Variants in TTC27 observed in about 807,000 individuals in gnomAD.
TTC27 encodes tetratricopeptide repeat protein 27.
TTC27 carries 79 observed loss-of-function variants against 115.9 expected under a neutral mutation model. That is an observed-to-expected ratio of 0.68 (90% CI 0.57 to 0.82). The LOEUF is 0.82. TTC27 is among the 40% of genes least tolerant of loss of function. TTC27 has a pLI of 0.00. For synonymous variants in TTC27, 401 were observed against 356.0 expected (o/e 1.13, Z -1.42); for missense variants, 1,054 against 993.1 (o/e 1.06, Z -0.82).
At chr2:32,731,419 G>A (rs1215249390) in intron 10 of TTC27, among the ~76,000 whole-genome samples, 1 of 152,136 alleles carries the variant, frequency 6.6e-6, no homozygotes, top group African/African-American at 2.4e-5. Flanking sequence ...CTGTCACCCA[G>A]GCAGGAGTGC....
intron 8 of TTC27, among the ~76,000 whole-genome samples, chr2:32,678,161 G>T (rs983887280): frequency 6.6e-5 from 10 of 151,432 alleles, no homozygotes; most frequent in African/African-American, 2.4e-4. Context: ...AGGCTGAGCT[G>T]GGAGGATCCC....
intron 2 of TTC27, among the ~76,000 whole-genome samples, chr2:32,633,255 T>C (rs753873064): frequency 7.2e-5 from 11 of 152,104 alleles, no homozygotes; most frequent in Non-Finnish European, 1.2e-4. Flanking sequence ...TCTATCTTCA[T>C]TGCCCACATG....
In TTC27 at chr2:32,758,318, G is replaced by A; in HGVS notation, c.1479G>A (p.Leu493=). The change falls in exon 13 of 20, where the codon CTG becomes CTA. Residue 493 remains leucine, a synonymous_variant. Coordinates refer to ENST00000317907, the MANE Select transcript of TTC27 (RefSeq NM_017735.5). ...CAGAAGAAATCCTTAGACAAGAGCT[G>A]GAGAAAAAAGAAACGCCTAGTTTAT... The part of the protein sequence containing the change: ...GKAEEILRQE[L]EKKETPSLYC... 1 of 1,614,138 alleles carries A rather than the reference G, an allele frequency of 6.2e-7. No homozygotes were observed. The highest frequency in any genetic ancestry group is 1.1e-5 in the South Asian group (1 of 91,076).
chr2:32,679,807 C>T (rs1375992967), intron 9 of TTC27, among the ~76,000 whole-genome samples: 1 of 152,118 alleles, frequency 6.6e-6, no homozygotes, highest in Non-Finnish European at 1.5e-5. Context: ...GCCTGGCCGA[C>T]ATGATGAAAC....
intron 16 of TTC27, among the ~76,000 whole-genome samples, chr2:32,790,543 AC>A (rs1458950474): frequency 6.6e-6 from 1 of 152,152 alleles, no homozygotes; most frequent in Non-Finnish European, 1.5e-5. Context: ...TGATTAACAT[AC>A]CCACCACCTT....
chr2:32,738,930 G>A (rs1668535780), intron 12 of TTC27, among the ~76,000 whole-genome samples: 2 of 152,108 alleles, frequency 1.3e-5, no homozygotes, highest in African/African-American at 4.8e-5. Flanking sequence ...AAGGCAGGAA[G>A]AACTGCCAAA....
chr2:32,651,313 A>G (rs904247261), intron 5 of TTC27, among the ~76,000 whole-genome samples: 2 of 152,184 alleles, frequency 1.3e-5, no homozygotes, highest in African/African-American at 4.8e-5. Flanking sequence ...CATGTATAAT[A>G]TAAGGGGCTC....
At chr2:32,680,536 C>T (rs1489818882) in intron 9 of TTC27, among the ~76,000 whole-genome samples, 2 of 151,826 alleles carry the variant, frequency 1.3e-5, no homozygotes, top group Non-Finnish European at 2.9e-5. Context: ...GGGAAGGTCT[C>T]AGTGGGAGGG....
chr2:32,736,911 T>G, intron 12 of TTC27, 95 bp downstream of exon 12: 2 of 1,409,164 alleles, frequency 1.4e-6, no homozygotes, highest in South Asian at 2.9e-5. Flanking sequence ...TTTGCCAATA[T>G]TCACTTATAT....
chr2:32,786,441 A>G (rs113139392), intron 15 of TTC27, among the ~76,000 whole-genome samples: 3 of 152,260 alleles, frequency 2.0e-5, no homozygotes, highest in African/African-American at 7.2e-5. Flanking sequence ...ATGCCTGGCC[A>G]CCTTAAAATT....
At chr2:32,798,711 A>AT (rs1670808886) in intron 16 of TTC27, among the ~76,000 whole-genome samples, 2 of 129,084 alleles carry the variant, frequency 1.5e-5, no homozygotes, top group Non-Finnish European at 3.3e-5. Context: ...GCTCAAAAAA[A>AT]AAAATAATAA....
intron 8 of TTC27, among the ~76,000 whole-genome samples, chr2:32,678,652 C>T (rs928204646): frequency 2.0e-5 from 3 of 152,050 alleles, no homozygotes; most frequent in Non-Finnish European, 2.9e-5. Flanking sequence ...TGGTCTTGAT[C>T]TCCTGACCTT....
intron 8 of TTC27, among the ~76,000 whole-genome samples, chr2:32,673,872 G>A (rs1666100495): frequency 6.6e-6 from 1 of 151,974 alleles, no homozygotes; most frequent in Admixed American, 6.6e-5. Context: ...GCAGGCGCCT[G>A]TAATCCCAGC....
intron 16 of TTC27, among the ~76,000 whole-genome samples, chr2:32,798,458 C>T (rs1468184306): frequency 6.6e-6 from 1 of 150,950 alleles, no homozygotes; most frequent in Non-Finnish European, 1.5e-5. Context: ...AATCCCAGAA[C>T]TTTGGGAGGC....
At chr2:32,774,740 G>A (rs1157885030) in intron 13 of TTC27, among the ~76,000 whole-genome samples, 1 of 152,226 alleles carries the variant, frequency 6.6e-6, no homozygotes, top group East Asian at 1.9e-4. Flanking sequence ...AGTAAAAGAG[G>A]CACCAAATAT....
intron 3 of TTC27, among the ~76,000 whole-genome samples, chr2:32,634,976 T>C (rs1229748340): frequency 2.0e-5 from 3 of 152,162 alleles, no homozygotes; most frequent in African/African-American, 7.2e-5. Flanking sequence ...GTTTTGATAC[T>C]GTACTTAAGA....
chr2:32,700,797 C>T (rs1307389414), intron 9 of TTC27, among the ~76,000 whole-genome samples: 1 of 152,200 alleles, frequency 6.6e-6, no homozygotes, highest in Non-Finnish European at 1.5e-5. Flanking sequence ...GCGTCAGCCT[C>T]CCAAAGTGCT....
At chr2:32,680,712 G>T (rs141054174) in intron 9 of TTC27, among the ~76,000 whole-genome samples, 57 of 152,154 alleles carry the variant, frequency 3.7e-4, no homozygotes, top group African/African-American at 1.2e-3. Flanking sequence ...AGTAAACAGC[G>T]ATGTGGCATA....
chr2:32,699,934 A>ATATT (rs764272619), intron 9 of TTC27, among the ~76,000 whole-genome samples: 1 of 152,180 alleles, frequency 6.6e-6, no homozygotes, highest in African/African-American at 2.4e-5. Flanking sequence ...TCTAAGGAAG[A>ATATT]TATTTCATCC....
Sources: gnomAD v4.1 joint callset for allele counts (sites outside exome capture counted in the v4.1 genomes callset) on GRCh38, gnomAD v4.1.1 for gene constraint, MANE v1.5 for transcripts, NCBI Gene and HGNC (gene_info 2026-07-23, HGNC 2026-07-21) for gene names.